NEBL: variants seen among roughly 807,000 people sequenced by gnomAD.
NEBL encodes the protein nebulette.
Under a neutral mutation model 140.2 loss-of-function variants are expected in NEBL, and 122 were observed. The ratio of observed to expected loss-of-function variants is 0.87; its 90% CI spans 0.75 to 1.01. The LOEUF is 1.01. NEBL is among the 50% of genes least tolerant of loss of function. The pLI is 0.00. For missense variants in NEBL, 1,365 were observed against 1,231.3 expected (o/e 1.11, Z -1.62); for synonymous variants, 436 against 398.9 (o/e 1.09, Z -1.11).
chr10:20,959,744 CTGCTACGGCTGCTA>C (rs1354434592), intron 4 of NEBL, among the ~76,000 whole-genome samples: 1 of 151,966 alleles, frequency 6.6e-6, no homozygotes. Flanking sequence ...ACTTATAAGA[CTGCTACGGCTGCTA>C]ACATTAAGAC....
chr10:21,002,296 C>A (rs552563151), intron 3 of NEBL, among the ~76,000 whole-genome samples: 18 of 152,034 alleles, frequency 1.2e-4, no homozygotes, highest in South Asian at 4.1e-4. Context: ...CAGGAAAAAA[C>A]GTCATATAGA....
At chr10:21,271,351 A>G (rs1027635490) in intron 1 of NEBL, among the ~76,000 whole-genome samples, 1 of 152,160 alleles carries the variant, frequency 6.6e-6, no homozygotes, top group Non-Finnish European at 1.5e-5. Flanking sequence ...CTGGAAGTAG[A>G]GAGTAGAGAG....
intron 3 of NEBL, chr10:21,020,084 C>A: frequency 6.4e-7 from 1 of 1,563,776 alleles, no homozygotes; most frequent in South Asian, 1.1e-5. Context: ...ATCTTTAGGG[C>A]CAAGGGAACA....
At chr10:21,245,783 C>A (rs1046107429) in intron 3 of NEBL, among the ~76,000 whole-genome samples, 2 of 152,224 alleles carry the variant, frequency 1.3e-5, no homozygotes, top group African/African-American at 4.8e-5. Flanking sequence ...GCAAGCTCCA[C>A]CTCCTGGGTT....
intron 3 of NEBL, among the ~76,000 whole-genome samples, chr10:21,189,714 A>G (rs1368893184): frequency 8.6e-5 from 13 of 151,802 alleles, no homozygotes; most frequent in East Asian, 3.9e-4. Context: ...TGATCTGCCC[A>G]CCTCGGCCCC....
Position 20,826,480 on chromosome 10 carries a change from T to C in NEBL, c.1836A>G (p.Glu612=). The C allele has an allele frequency of 6.2e-7, 1 of 1,613,026 alleles. No individual in the cohort carries two copies. ...GTAVKDSPEI[E]RVKKNQQNIS... ...TATTCTGCTGATTTTTCTTCACTCG[T>C]TCGATCTCTGGGCTATCTTTCACTG... Residue 612 remains glutamate (E), a synonymous_variant, in exon 18 of 28, where the codon GAA becomes GAG. Coordinates refer to ENST00000377122, the MANE Select transcript of NEBL (RefSeq NM_006393.3).
In NEBL at chr10:20,836,691, C is replaced by G. The variant is rs541183071; in HGVS notation, c.1339-1068G>C. Among the ~76,000 whole-genome samples, 5 of 152,116 alleles carry G rather than the reference C, an allele frequency of 3.3e-5. No homozygotes were observed. In the East Asian group the frequency reaches 7.8e-4, roughly 24 times the overall value. ...GGCCTCTCCTATTCCTGTGTGGAAC[C>G]TGGGATTCAAACTGTGAGGTGGGAA... is the stretch of plus-strand genomic sequence containing the variant. On this transcript the variant is annotated intron_variant, in intron 13 of 27. Transcript: ENST00000377122.
chr10:21,185,659 G>C (rs1316808596), intron 3 of NEBL, among the ~76,000 whole-genome samples: 1 of 151,602 alleles, frequency 6.6e-6, no homozygotes, highest in Non-Finnish European at 1.5e-5. Flanking sequence ...ACCACACCTG[G>C]CTAATTTTTG....
chr10:20,865,093 C>G (rs1403322207), intron 7 of NEBL, among the ~76,000 whole-genome samples: 1 of 152,066 alleles, frequency 6.6e-6, no homozygotes, highest in Non-Finnish European at 1.5e-5. Flanking sequence ...AAATAAAGCT[C>G]AAATGTCAAA....
At position 20,823,202 on chromosome 10, in the gene NEBL, G is replaced by C; in HGVS notation, c.1962+6C>G. 5 of 1,588,660 alleles carry C rather than the reference G, an allele frequency of 3.1e-6. No individual in the cohort carries two copies. Among genetic ancestry groups the C allele is most frequent in the Non-Finnish European group, 4.3e-6 (5 of 1,161,466 alleles). ...TTTTTAAAAAATACTTAAGAAATAT[G>C]ATCACATTGCTGATGTTCTTCTGGT... On this transcript the variant is annotated splice_donor_region_variant and intron_variant, in intron 19 of 27. Transcript: ENST00000377122.
At chr10:20,866,198 G>A (rs1588873701) in intron 7 of NEBL, among the ~76,000 whole-genome samples, 1 of 152,010 alleles carries the variant, frequency 6.6e-6, no homozygotes, top group South Asian at 2.1e-4. Context: ...TTTTTTCATA[G>A]AACACACCAT....
chr10:21,114,321 A>G (rs1339249268), intron 2 of NEBL, among the ~76,000 whole-genome samples: 2 of 152,042 alleles, frequency 1.3e-5, no homozygotes, highest in Non-Finnish European at 2.9e-5. Context: ...TAAATTGATT[A>G]AGATTTGTTT....
intron 23 of NEBL, 197 bp downstream of exon 23, chr10:20,813,742 A>G: frequency 1.7e-6 from 1 of 577,448 alleles, no homozygotes; most frequent in Non-Finnish European, 3.1e-6. Flanking sequence ...AGAAAAAGTC[A>G]CTGAGAAAAA....
chr10:21,208,212 A>T (rs753059994), intron 3 of NEBL, among the ~76,000 whole-genome samples: 9 of 152,168 alleles, frequency 5.9e-5, no homozygotes, highest in Non-Finnish European at 1.3e-4. Context: ...AGGACATAGA[A>T]ATTGCATTCT....
At chr10:21,099,679 ACATGTTC>A (rs1196203373) in intron 2 of NEBL, among the ~76,000 whole-genome samples, 7 of 152,202 alleles carry the variant, frequency 4.6e-5, no homozygotes, top group African/African-American at 1.4e-4. Context: ...AGTGGCCAGC[ACATGTTC>A]TTCCATTTTA....
intron 13 of NEBL, 32 bp from the exon 14 acceptor site, chr10:20,835,655 C>A (rs769601036): frequency 6.9e-7 from 1 of 1,452,596 alleles, no homozygotes; most frequent in Non-Finnish European, 9.6e-7. Context: ...AACATTCAAA[C>A]ACTCAGTGGG....
chr10:20,829,510 G>A (rs996930341), intron 16 of NEBL, among the ~76,000 whole-genome samples: 8 of 151,620 alleles, frequency 5.3e-5, no homozygotes, highest in South Asian at 2.1e-4. Flanking sequence ...TGGGTGCAGC[G>A]CACCAGCATA....
chr10:21,090,253 T>C (rs894719238), intron 2 of NEBL, among the ~76,000 whole-genome samples: 4 of 152,220 alleles, frequency 2.6e-5, no homozygotes, highest in African/African-American at 4.8e-5. Flanking sequence ...TAAACAAAGA[T>C]ACATGGATAT....
In NEBL at chr10:21,069,688, T is replaced by A. The variant is rs1335547409; in HGVS notation, c.165-49487A>T. On this transcript the variant is annotated intron_variant, in intron 2 of 6. Coordinates refer to the NEBL transcript ENST00000417816. ...AAATGGTTCATGTTACACATTTTCATACAACCTGGTATAGACCAGGGTGAG... is the reference window on the plus strand; with the variant it reads ...AAATGGTTCATGTTACACATTTTCAAACAACCTGGTATAGACCAGGGTGAG... Among the ~76,000 whole-genome samples, 3 of 152,358 alleles carry A rather than the reference T, an allele frequency of 2.0e-5. No individual in the cohort carries two copies. The East Asian group carries it at 5.8e-4, about 29-fold the overall frequency.
Sources: gnomAD v4.1 joint callset for allele counts (sites outside exome capture counted in the v4.1 genomes callset) on GRCh38, gnomAD v4.1.1 for gene constraint, MANE v1.5 for transcripts, NCBI Gene and HGNC (gene_info 2026-07-23, HGNC 2026-07-21) for gene names.